GCN1: variants seen among roughly 807,000 people sequenced by gnomAD.
GCN1 encodes GCN1 activator of EIF2AK4, also known as stalled ribosome sensor GCN1.
Under a neutral mutation model 288.4 loss-of-function variants are expected in GCN1, and 90 were observed. That is an observed-to-expected ratio of 0.31 (90% CI 0.26 to 0.37). GCN1 has a LOEUF of 0.37. Among genes scored for constraint, GCN1 ranks in the 10% least tolerant of loss-of-function variants. The pLI, the probability that GCN1 is intolerant of heterozygous loss-of-function variation, is 1.00. For synonymous variants in GCN1, 1,386 were observed against 1,420.2 expected, an observed-to-expected ratio of 0.98 and a Z score of 0.54; for missense variants, 2,586 against 3,419.9, an observed-to-expected ratio of 0.76 and a Z score of 6.08.
chr12:120,146,530 C>T (rs991579569), intron 38 of GCN1, among the ~76,000 whole-genome samples: 1 of 151,844 alleles, frequency 6.6e-6, no homozygotes, highest in South Asian at 2.1e-4. Context: ...CAAGCCTGGT[C>T]TGTTTTTCTG....
chr12:120,137,240 C>T lies in GCN1; in HGVS notation c.6743G>A (p.Gly2248Asp). The T allele has an allele frequency of 6.2e-7, 1 of 1,614,168 alleles. No homozygotes were observed. Among genetic ancestry groups the T allele is most frequent in the African/African-American group, 1.3e-5 (1 of 75,046 alleles). Residue 2248 changes from glycine (G) to aspartate (D), a missense_variant, in exon 50 of 58, where the codon GGC becomes GAC. Around this residue, in one of 8 missense-constraint regions of GCN1, gnomAD observed 437 missense variants for 570.5 expected, o/e 0.77. Coordinates refer to ENST00000300648, the MANE Select transcript of GCN1 (RefSeq NM_006836.2). This position sits in a 1 kb window ranked among gnomAD's most constrained non-coding sequence, Gnocchi z 5.2. ...EIRLIGNESK[G>D]EHVPGFCLPK... ...GAGGCAGAATCCTGGCACATGCTCG[C>T]CTTTGCTCTCGTTCCCTATGAGCCG...
intron 9 of GCN1, among the ~76,000 whole-genome samples, chr12:120,177,203 G>A (rs572301609): frequency 3.7e-4 from 57 of 152,128 alleles, no homozygotes; most frequent in Non-Finnish European, 6.5e-4. Flanking sequence ...GAGCTCCTGC[G>A]CTCAAGTGAT....
intron 4 of GCN1, 131 bp downstream of exon 4, chr12:120,183,981 T>C (rs780776156): frequency 5.7e-5 from 49 of 852,642 alleles, no homozygotes; most frequent in Non-Finnish European, 8.4e-5. Context: ...CCAACCCTGC[T>C]CCTCGGGAAA....
At position 120,158,078 on chromosome 12, in the gene GCN1, C is replaced by T. The variant is rs377767239; in HGVS notation, c.2906-48G>A. 8.9e-6 allele frequency: 14 copies of T among 1,566,672 alleles called. No individual in the cohort carries two copies. The highest frequency in any genetic ancestry group is 2.3e-5 in the South Asian group (2 of 88,056). ...AGATTCTGCAGGCAGGGCAGGGACC[C>T]GGGCCACTGCTGCCTATTTCTATCC... On this transcript the variant is annotated intron_variant, in intron 25 of 57. Transcript: ENST00000300648. This position sits in a 1 kb window ranked among gnomAD's most constrained non-coding sequence, Gnocchi z 4.3.
intron 34 of GCN1, among the ~76,000 whole-genome samples, chr12:120,150,666 G>A (rs1208523750): frequency 2.6e-5 from 4 of 151,872 alleles, no homozygotes; most frequent in African/African-American, 4.8e-5. Flanking sequence ...GGCCGGGCGC[G>A]GTGGTTCATG....
In GCN1 at chr12:120,142,102, G is replaced by A. The variant is rs553176105; in HGVS notation, c.5829+405C>T. ...AGCACTTTGGGAGGCCGAGACGGGC[G>A]CATCACGAGGTCAGGAGATCGAGAC... On this transcript the variant is annotated intron_variant, in intron 44 of 57. Transcript: ENST00000300648. This position sits in a 1 kb window ranked among gnomAD's most constrained non-coding sequence, Gnocchi z 4.9. 3.9e-5 allele frequency among the ~76,000 whole-genome samples: 6 copies of A among 152,078 alleles called. No individual in the cohort carries two copies. The highest frequency in any genetic ancestry group is 1.3e-4 in the Admixed American group (2 of 15,260).
At chr12:120,189,232 T>C (rs7968689) in intron 2 of GCN1, among the ~76,000 whole-genome samples, 95,124 of 151,432 alleles carry the variant, frequency 0.63, 30,784 homozygotes, top group East Asian at 0.98. Context: ...GTCACCATGC[T>C]CAGCTAATTT....
intron 34 of GCN1, among the ~76,000 whole-genome samples, chr12:120,150,663 C>T (rs899771296): frequency 1.3e-5 from 2 of 151,724 alleles, no homozygotes; most frequent in East Asian, 1.9e-4. Context: ...TGTGGCCGGG[C>T]GCGGTGGTTC....
Position 120,153,078 on chromosome 12 carries a change from G to T in GCN1, c.4062+135C>A. 1 of 677,282 alleles carries T rather than the reference G, an allele frequency of 1.5e-6. No individual in the cohort carries two copies. The highest frequency in any genetic ancestry group is 2.5e-6 in the Non-Finnish European group (1 of 398,274). 42.0% of individuals were successfully genotyped at this position (677,282 alleles called of 1,614,324 possible). On this transcript the variant is annotated intron_variant, in intron 33 of 57. Coordinates refer to ENST00000300648, the MANE Select transcript of GCN1 (RefSeq NM_006836.2). This position sits in a 1 kb window ranked among gnomAD's most constrained non-coding sequence, Gnocchi z 4.4. ...TAAACCAGGCTCTCCCCTGCGAGAG[G>T]GGGTGAATCCTTAACAAGAACTGGG...
chr12:120,191,459 G>A (rs1306699998), intron 1 of GCN1, among the ~76,000 whole-genome samples: 2 of 152,218 alleles, frequency 1.3e-5, no homozygotes, highest in African/African-American at 2.4e-5. Flanking sequence ...TTCATAAGCC[G>A]TAGAGCAGGG....
chr12:120,140,704 T>C (rs944366864), intron 45 of GCN1, among the ~76,000 whole-genome samples, 155 bp downstream of exon 45: 12 of 152,152 alleles, frequency 7.9e-5, no homozygotes, highest in Admixed American at 7.9e-4. Flanking sequence ...CTCAAGTCCA[T>C]GTGGCCCAGC....
In GCN1 at chr12:120,178,716, A is replaced by G; in HGVS notation, c.569T>C (p.Leu190Pro). Residue 190 changes from leucine to proline, a missense_variant, in exon 7 of 58, where the codon CTA (leucine) becomes CCA (proline). Physicochemically the swap from Leu to Pro is moderately conservative, Grantham distance 98. Coordinates refer to ENST00000300648, the MANE Select transcript of GCN1 (RefSeq NM_006836.2). The part of the protein sequence containing the change: ...VEQYLSAILS[L>P]EPNQNYAGML... ...GCCAGCATAGTTCTGGTTGGGCTCT[A>G]GGCTGAGAATGGCTGACAAGTACTG... 2 of 1,614,178 alleles carry G rather than the reference A, an allele frequency of 1.2e-6. No homozygotes were observed. Among genetic ancestry groups the G allele is most frequent in the Non-Finnish European group, 1.7e-6 (2 of 1,179,974 alleles).
chr12:120,129,533 G>A (rs757195602), intron 56 of GCN1, 39 bp from the exon 57 acceptor site: 2 of 1,458,050 alleles, frequency 1.4e-6, no homozygotes, highest in Middle Eastern at 1.7e-4. Context: ...GGATAGGCAT[G>A]TCATCTATTC....
chr12:120,154,021 T>C, intron 31 of GCN1, 112 bp from the exon 32 acceptor site: 1 of 849,286 alleles, frequency 1.2e-6, no homozygotes, highest in African/African-American at 1.7e-5. Context: ...GCAAACACTG[T>C]TTTGGGGGCA....
intron 5 of GCN1, among the ~76,000 whole-genome samples, chr12:120,183,242 CT>C (rs1029789695): frequency 6.6e-6 from 1 of 152,224 alleles, no homozygotes; most frequent in African/African-American, 2.4e-5. Flanking sequence ...TTCTAGTCTA[CT>C]TGATTTTTGG....
At position 120,132,734 on chromosome 12, in the gene GCN1, C is replaced by G. The variant is rs1006368963; in HGVS notation, c.7318-712G>C. Among the ~76,000 whole-genome samples, 10 of 152,222 alleles carry G rather than the reference C, an allele frequency of 6.6e-5. No individual in the cohort carries two copies. In the East Asian group the frequency reaches 7.7e-4, roughly 12 times the overall value. Reference sequence around the variant, plus strand: ...GGATTTTAAGTTATGTTCCTTATTACAGGTGCCAACTCAACATGTCCCCAA... The same window carrying G: ...GGATTTTAAGTTATGTTCCTTATTAGAGGTGCCAACTCAACATGTCCCCAA... On this transcript the variant is annotated intron_variant, in intron 53 of 57. Transcript: ENST00000300648.
At chr12:120,143,566 A>G (rs1189368188) in intron 42 of GCN1, among the ~76,000 whole-genome samples, 1 of 149,042 alleles carries the variant, frequency 6.7e-6, no homozygotes, top group Non-Finnish European at 1.5e-5. Context: ...TGGGTGACAG[A>G]GCGAGACTCC....
intron 2 of GCN1, among the ~76,000 whole-genome samples, chr12:120,185,659 A>G (rs964165149): frequency 3.3e-5 from 5 of 152,218 alleles, no homozygotes; most frequent in East Asian, 1.9e-4. Context: ...GGAGTGCAGT[A>G]GTGCGATCTC....
chr12:120,174,836 C>G (rs139946713), intron 12 of GCN1, among the ~76,000 whole-genome samples: 1 of 148,022 alleles, frequency 6.8e-6, no homozygotes, highest in Non-Finnish European at 1.5e-5. Flanking sequence ...GATCACAGCT[C>G]TACTCCTGGC....
Sources: gnomAD v4.1 joint callset for allele counts (sites outside exome capture counted in the v4.1 genomes callset) on GRCh38, gnomAD v4.1.1 for gene constraint, gnomAD v4.1.1 regional missense constraint, Gnocchi (gnomAD v3.1) non-coding constraint, MANE v1.5 for transcripts, NCBI Gene and HGNC (gene_info 2026-07-23, HGNC 2026-07-21) for gene names.